SLC17A6: variants seen among roughly 807,000 people sequenced by gnomAD.
The protein encoded by SLC17A6 is solute carrier family 17 member 6.
SLC17A6 carries 35 observed loss-of-function variants against 67.1 expected under a neutral mutation model. That is an observed-to-expected ratio of 0.52 (90% CI 0.40 to 0.69). The LOEUF is 0.69. SLC17A6 is among the 30% of genes least tolerant of loss of function. SLC17A6 has a pLI of 0.00. For missense variants in SLC17A6, 588 were observed against 723.9 expected (o/e 0.81, Z 2.15); for synonymous variants, 285 against 252.3 (o/e 1.13, Z -1.23).
intron 3 of SLC17A6, among the ~76,000 whole-genome samples, chr11:22,350,581 A>G (rs1160437646): frequency 6.6e-6 from 1 of 152,226 alleles, no homozygotes; most frequent in Admixed American, 6.5e-5. Context: ...TGAAAAATTA[A>G]GAACACCCAT....
chr11:22,377,132 A>C (rs555777383), intron 11 of SLC17A6, among the ~76,000 whole-genome samples: 1 of 152,326 alleles, frequency 6.6e-6, no homozygotes, highest in East Asian at 1.9e-4. Context: ...TAAGTAAATC[A>C]ATGGAAAAAA....
intron 3 of SLC17A6, among the ~76,000 whole-genome samples, chr11:22,358,533 T>C (rs1433888295): frequency 6.6e-6 from 1 of 152,218 alleles, no homozygotes; most frequent in East Asian, 1.9e-4. Flanking sequence ...GGTTTCACTA[T>C]GTTGGCCAGA....
intron 3 of SLC17A6, among the ~76,000 whole-genome samples, chr11:22,345,179 G>C (rs1485068496): frequency 6.6e-6 from 1 of 151,174 alleles, no homozygotes; most frequent in African/African-American, 2.4e-5. Context: ...GTAACACTAG[G>C]AAGTCAGTAA....
chr11:22,341,472 G>T, intron 1 of SLC17A6, 56 bp from the exon 2 acceptor site: 7 of 1,587,954 alleles, frequency 4.4e-6, no homozygotes, highest in Non-Finnish European at 6.0e-6. Flanking sequence ...GAATGGGTCA[G>T]CATCGGGGGT....
In SLC17A6 at chr11:22,355,329, A is replaced by G. The variant is rs762427922; in HGVS notation, c.459-4084A>G. Among the ~76,000 whole-genome samples, 205 of 152,148 alleles carry G rather than the reference A, an allele frequency of 1.3e-3. 1 individual carries two copies. Among genetic ancestry groups the G allele is most frequent in the Non-Finnish European group, 2.0e-3 (133 of 68,022 alleles). On this transcript the variant is annotated intron_variant, in intron 3 of 11. Coordinates refer to ENST00000263160, the MANE Select transcript of SLC17A6 (RefSeq NM_020346.3). ...ACAACGTACTAGTTACATAATTATT[A>G]AGTGACAAAGCTGGGGTCCTACAAA... is the stretch of plus-strand genomic sequence containing the variant.
At position 22,365,650 on chromosome 11, in the gene SLC17A6, A is replaced by G. The variant is rs369853927; in HGVS notation, c.852A>G (p.Glu284=). ...ATGAAGAACGTAGGTACATAGAAGA[A>G]AGCATTGGAGAGAGTGCAAATCTTT... ...ITDEERRYIE[E]SIGESANLLG... Residue 284 remains glutamate, a synonymous_variant, in exon 7 of 12, where the codon GAA becomes GAG. Coordinates refer to ENST00000263160, the MANE Select transcript of SLC17A6 (RefSeq NM_020346.3). The G allele has an allele frequency of 6.6e-5, 106 of 1,613,792 alleles. No homozygotes were observed. The highest frequency in any genetic ancestry group is 8.8e-5 in the Non-Finnish European group (104 of 1,179,854).
intron 2 of SLC17A6, chr11:22,342,913 G>T: frequency 2.1e-6 from 1 of 478,076 alleles, no homozygotes; most frequent in Non-Finnish European, 4.1e-6. Context: ...TCCACATCTG[G>T]CTAACAAATC....
intron 3 of SLC17A6, among the ~76,000 whole-genome samples, chr11:22,349,824 G>GGGA (rs1249372729): frequency 6.6e-6 from 1 of 152,180 alleles, no homozygotes; most frequent in Non-Finnish European, 1.5e-5. Flanking sequence ...ATGTGACAAA[G>GGGA]GGAGGCATCC....
chr11:22,369,210 T>C (rs117160693), intron 7 of SLC17A6, among the ~76,000 whole-genome samples: 7,597 of 152,096 alleles, frequency 0.05, 261 homozygotes, highest in South Asian at 0.14. Context: ...GATATTTTAA[T>C]GGCTAAAAAT....
intron 11 of SLC17A6, 94 bp downstream of exon 11, chr11:22,376,766 TTC>T (rs1276560678): frequency 1.5e-6 from 2 of 1,349,592 alleles, no homozygotes; most frequent in Admixed American, 3.5e-5. Flanking sequence ...CCTTAGCATT[TTC>T]TTTCTTGTCC....
chr11:22,347,651 AT>A (rs1855894009), intron 3 of SLC17A6, among the ~76,000 whole-genome samples: 1 of 152,132 alleles, frequency 6.6e-6, no homozygotes, highest in African/African-American at 2.4e-5. Context: ...CTTTAAAATT[AT>A]TTTCCCATGT....
At chr11:22,362,216 C>G (rs780611328) in intron 5 of SLC17A6, 1 of 462,128 alleles carries the variant, frequency 2.2e-6, no homozygotes, top group Non-Finnish European at 4.2e-6. Flanking sequence ...GATAACTTAC[C>G]TTGATGACAT....
chr11:22,342,955 G>A (rs1855834481), intron 2 of SLC17A6: 1 of 521,114 alleles, frequency 1.9e-6, no homozygotes, highest in Admixed American at 2.3e-5. Flanking sequence ...TCCAAGACGG[G>A]GGCCCTCTAG....
intron 8 of SLC17A6, among the ~76,000 whole-genome samples, chr11:22,374,444 A>G (rs1856208974): frequency 6.6e-6 from 1 of 151,498 alleles, no homozygotes; most frequent in Non-Finnish European, 1.5e-5. Flanking sequence ...CCTCTCTTTC[A>G]CTAAGGGTGT....
At chr11:22,367,838 T>C (rs1053208196) in intron 7 of SLC17A6, among the ~76,000 whole-genome samples, 1 of 152,190 alleles carries the variant, frequency 6.6e-6, no homozygotes, top group Non-Finnish European at 1.5e-5. Context: ...CTAAAGACAA[T>C]ATTTTACTTC....
chr11:22,343,817 T>G (rs981028413), intron 3 of SLC17A6, among the ~76,000 whole-genome samples: 1 of 151,972 alleles, frequency 6.6e-6, no homozygotes, highest in Non-Finnish European at 1.5e-5. Flanking sequence ...CCTGGCCCCG[T>G]CCCCCGCCCA....
chr11:22,375,869 G>A, intron 9 of SLC17A6, 113 bp from the exon 10 acceptor site: 1 of 602,596 alleles, frequency 1.7e-6, no homozygotes, highest in Non-Finnish European at 3.0e-6. Flanking sequence ...TTTGAAGATA[G>A]ACTCTCTGAA....
Position 22,375,917 on chromosome 11 carries a change from C to T in SLC17A6, c.1175-65C>T. On this transcript the variant is annotated intron_variant, in intron 9 of 11. Coordinates refer to ENST00000263160, the MANE Select transcript of SLC17A6 (RefSeq NM_020346.3). ...GGTCAATAAGTTGGAACATTTTTAGCAGTTTTGGCTCATTGGTAAAATTTC... is the reference window on the plus strand; with the variant it reads ...GGTCAATAAGTTGGAACATTTTTAGTAGTTTTGGCTCATTGGTAAAATTTC... 3.0e-6 allele frequency: 3 copies of T among 1,014,990 alleles called. 1 individual carries two copies. The South Asian group carries it at 4.9e-5, about 16-fold the overall frequency. 62.9% of individuals were successfully genotyped at this position (1,014,990 alleles called of 1,614,324 possible).
intron 3 of SLC17A6, among the ~76,000 whole-genome samples, chr11:22,348,974 G>T (rs1855908078): frequency 6.6e-6 from 1 of 152,022 alleles, no homozygotes; most frequent in South Asian, 2.1e-4. Context: ...GTAAAGATGT[G>T]CTTTTATTTA....
Sources: allele counts gnomAD v4.1 joint callset (sites outside exome capture counted in the v4.1 genomes callset), GRCh38; gene constraint gnomAD v4.1.1; transcripts MANE v1.5; gene names NCBI Gene and HGNC (gene_info 2026-07-23, HGNC 2026-07-21).